RNF150: variants seen among roughly 807,000 people sequenced by gnomAD.
The protein encoded by RNF150 is ring finger protein 150.
In RNF150, 24 loss-of-function variants were observed where a neutral mutation model predicts 39.3. The observed-to-expected ratio is 0.61, with a 90% confidence interval of 0.44 to 0.86. RNF150 has a LOEUF of 0.86. Among genes scored for constraint, RNF150 ranks in the 40% least tolerant of loss-of-function variants. RNF150 has a pLI of 0.00. For synonymous variants in RNF150, 255 were observed against 227.3 expected (o/e 1.12, Z -1.10); for missense variants, 502 against 587.8 (o/e 0.85, Z 1.51).
At chr4:140,878,164 G>GTTTTTT (rs58338048) in intron 6 of RNF150, among the ~76,000 whole-genome samples, 11 of 90,510 alleles carry the variant, frequency 1.2e-4, no homozygotes, top group African/African-American at 3.2e-4. Flanking sequence ...ATCTCATTGT[G>GTTTTTT]TTTTTTTTTT....
chr4:140,946,475 G>A lies in RNF150; in HGVS notation c.890+1179C>T, dbSNP rs541606545. 9.1e-4 allele frequency among the ~76,000 whole-genome samples: 138 copies of A among 152,040 alleles called. 2 individuals are homozygous for A. The South Asian group carries it at 0.015, about 16-fold the overall frequency. ...CCTACTTTACTTTTAAAGTCTCTAA[G>A]AATTTTTTTTTTCTTTGAGACAAGG... On this transcript the variant is annotated intron_variant, in intron 4 of 6. Transcript: ENST00000515673.
intron 1 of RNF150, among the ~76,000 whole-genome samples, chr4:141,114,717 T>C (rs1235480032): frequency 6.6e-6 from 1 of 152,186 alleles, no homozygotes; most frequent in Non-Finnish European, 1.5e-5. Flanking sequence ...CCAATATCCC[T>C]GATGAACATC....
intron 1 of RNF150, among the ~76,000 whole-genome samples, chr4:141,038,376 G>C (rs1320117599): frequency 6.6e-6 from 1 of 151,990 alleles, no homozygotes; most frequent in Admixed American, 6.6e-5. Context: ...GCTTCTTCTG[G>C]GCGTCGAGTA....
intron 1 of RNF150, among the ~76,000 whole-genome samples, chr4:141,084,316 C>T (rs1278838158): frequency 4.0e-5 from 6 of 151,764 alleles, no homozygotes; most frequent in South Asian, 2.1e-4. Context: ...TGAAAGATGA[C>T]GAATATATAG....
intron 1 of RNF150, among the ~76,000 whole-genome samples, chr4:141,049,128 A>C (rs1022984129): frequency 1.1e-4 from 17 of 152,252 alleles, no homozygotes; most frequent in African/African-American, 3.6e-4. Flanking sequence ...TAGGGCAATA[A>C]GAAGAAACTA....
At chr4:141,071,329 A>G (rs1578695070) in intron 1 of RNF150, among the ~76,000 whole-genome samples, 1 of 151,774 alleles carries the variant, frequency 6.6e-6, no homozygotes, top group Non-Finnish European at 1.5e-5. Flanking sequence ...ACATGTATAC[A>G]TATGTAACTA....
chr4:141,012,035 T>G (rs1560687358), intron 1 of RNF150, among the ~76,000 whole-genome samples: 2 of 152,260 alleles, frequency 1.3e-5, no homozygotes, highest in African/African-American at 4.8e-5. Context: ...CCTCATTCTT[T>G]TTTGAGTACA....
At chr4:141,175,085 T>A (rs1317693308) in intron 1 of RNF150, among the ~76,000 whole-genome samples, 1 of 152,134 alleles carries the variant, frequency 6.6e-6, no homozygotes, top group African/African-American at 2.4e-5. Context: ...TCAGAAGACC[T>A]CAAGGTGGCC....
intron 5 of RNF150, among the ~76,000 whole-genome samples, chr4:140,920,857 G>A (rs75303982): frequency 0.55 from 81,513 of 148,906 alleles, 22,881 homozygotes; most frequent in East Asian, 0.89. Flanking sequence ...CTATGCAGCC[G>A]TAAAAAATGA....
chr4:140,997,394 G>A (rs145788313), intron 1 of RNF150, among the ~76,000 whole-genome samples: 11,508 of 152,034 alleles, frequency 0.076, 489 homozygotes, highest in Middle Eastern at 0.16. Context: ...AGGCCAAGGC[G>A]GGTGGATCAT....
At position 140,991,469 on chromosome 4, in the gene RNF150, T is replaced by G. The variant is rs186514598; in HGVS notation, c.485-23596A>C. Among the ~76,000 whole-genome samples, 3 of 152,294 alleles carry G rather than the reference T, an allele frequency of 2.0e-5. No homozygotes were observed. The East Asian group carries it at 5.8e-4, about 29-fold the overall frequency. ...TATTGTCTGGATTTTCTTCTAGGGT[T>G]TTTATAGATTTGGGTTTTAGATTTA... On this transcript the variant is annotated intron_variant, in intron 1 of 6. Coordinates refer to ENST00000515673, the MANE Select transcript of RNF150 (RefSeq NM_020724.2).
chr4:141,137,847 G>A (rs1727050573), upstream of RNF150, among the ~76,000 whole-genome samples: 1 of 152,166 alleles, frequency 6.6e-6, no homozygotes, highest in Non-Finnish European at 1.5e-5. Context: ...GCTTAGTGGT[G>A]AGTCCTGGCC....
chr4:140,863,729 C>A lies in RNF150; in HGVS notation c.*4532G>T, dbSNP rs1479318885. 1.3e-5 allele frequency: 2 copies of A among 152,196 alleles called. No homozygotes were observed. The highest frequency in any genetic ancestry group is 2.4e-5 in the African/African-American group (1 of 41,440). The allele number at this position is 152,196 out of a possible 1,614,324, so 9.4% of individuals were successfully genotyped here. A position where few individuals can be genotyped will look rare whatever the true frequency, so the allele number is the denominator to read the frequency against. The stretch of plus-strand genomic sequence containing the variant: ...GAAACTTAGAGAAGATATAAAAATG[C>A]TACTGGAAATTGCCTCTGTGGCCTT... On this transcript the variant is annotated 3_prime_UTR_variant, in exon 7 of 7. Coordinates refer to ENST00000515673, the MANE Select transcript of RNF150 (RefSeq NM_020724.2).
intron 1 of RNF150, among the ~76,000 whole-genome samples, chr4:141,021,205 G>T (rs2059499): frequency 1.3e-5 from 2 of 151,742 alleles, no homozygotes; most frequent in Non-Finnish European, 2.9e-5. Flanking sequence ...ACCCAATTAG[G>T]TATCAAGCAG....
chr4:140,939,963 G>A (rs1167871916), intron 4 of RNF150, among the ~76,000 whole-genome samples: 1 of 152,096 alleles, frequency 6.6e-6, no homozygotes, highest in Admixed American at 6.6e-5. Context: ...TTTCCTACCT[G>A]GACTTTGCAA....
chr4:140,925,453 G>A (rs938585526), intron 5 of RNF150, among the ~76,000 whole-genome samples: 18 of 152,306 alleles, frequency 1.2e-4, no homozygotes, highest in Middle Eastern at 6.8e-3. Context: ...TCTGGCTCTG[G>A]TTTCCTGTTC....
chr4:141,000,535 A>G (rs1734627231), intron 1 of RNF150, among the ~76,000 whole-genome samples: 1 of 152,224 alleles, frequency 6.6e-6, no homozygotes, highest in East Asian at 1.9e-4. Flanking sequence ...CCATGCTGGT[A>G]ATAGGCTAAT....
intron 5 of RNF150, among the ~76,000 whole-genome samples, chr4:140,919,043 A>G (rs1730984184): frequency 6.6e-6 from 1 of 151,922 alleles, no homozygotes; most frequent in East Asian, 1.9e-4. Flanking sequence ...TCTCAAAATA[A>G]TAAGAGCTAT....
upstream of RNF150, among the ~76,000 whole-genome samples, chr4:141,138,285 CATTA>C (rs1432815252): frequency 2.0e-5 from 3 of 151,956 alleles, no homozygotes; most frequent in Non-Finnish European, 4.4e-5. Context: ...TTTCATTTTA[CATTA>C]ATTGATTGGT....
Sources: gnomAD v4.1 joint callset for allele counts (sites outside exome capture counted in the v4.1 genomes callset) on GRCh38, gnomAD v4.1.1 for gene constraint, MANE v1.5 for transcripts, NCBI Gene and HGNC (gene_info 2026-07-23, HGNC 2026-07-21) for gene names.